The following ARHGEF10 variants were observed in gnomAD, a reference collection of about 807,000 sequenced individuals.
ARHGEF10 encodes Rho guanine nucleotide exchange factor 10.
Under a neutral mutation model 147.4 loss-of-function variants are expected in ARHGEF10, and 140 were observed. The observed-to-expected ratio is 0.95, with a 90% CI of 0.83 to 1.09. The LOEUF (loss-of-function observed/expected upper bound fraction) is 1.09. ARHGEF10 is among the 50% of genes least tolerant of loss of function. The probability of loss-of-function intolerance (pLI) is 0.00; values close to 1 mark genes in which losing one functional copy is unlikely to be tolerated. For synonymous variants in ARHGEF10, 902 were observed against 695.8 expected (o/e 1.30, Z -4.67); for missense variants, 2,222 against 1,752.7 (o/e 1.27, Z -4.78).
At position 1,937,181 on chromosome 8, in the gene ARHGEF10, T is replaced by C. The variant is rs889382262; in HGVS notation, c.3222+3239T>C. Among the ~76,000 whole-genome samples, 1 of 152,200 alleles carries C rather than the reference T, an allele frequency of 6.6e-6. No individual in the cohort carries two copies. The highest frequency in any genetic ancestry group is 1.5e-5 in the Non-Finnish European group (1 of 68,030). ...TTGGCAGTATTGTTCCTGTTACTTT[T>C]CATATCCATCTGACACTTCTTATTT... On this transcript the variant is annotated intron_variant, in intron 26 of 28. Transcript: ENST00000349830. This position sits in a 1 kb window ranked among gnomAD's most constrained non-coding sequence, Gnocchi z 4.9.
chr8:1,835,632 C>T (rs949646813), intron 1 of ARHGEF10, among the ~76,000 whole-genome samples: 2 of 152,216 alleles, frequency 1.3e-5, no homozygotes, highest in African/African-American at 4.8e-5. Context: ...TCCCACCCTG[C>T]TGCTGGATGG....
intron 15 of ARHGEF10, among the ~76,000 whole-genome samples, chr8:1,902,683 A>G (rs1248616315): frequency 6.6e-6 from 1 of 151,534 alleles, no homozygotes; most frequent in African/African-American, 2.4e-5. Context: ...CCCAGCGGCC[A>G]CAGTCGCAGG....
intron 1 of ARHGEF10, among the ~76,000 whole-genome samples, chr8:1,827,456 C>T (rs1226964480): frequency 6.6e-6 from 1 of 152,080 alleles, no homozygotes; most frequent in Non-Finnish European, 1.5e-5. Context: ...TTATAAGCAC[C>T]CACCACCGTG....
At chr8:1,882,001 C>T (rs1463627260) in intron 9 of ARHGEF10, among the ~76,000 whole-genome samples, 1 of 152,146 alleles carries the variant, frequency 6.6e-6, no homozygotes, top group Non-Finnish European at 1.5e-5. Flanking sequence ...CGTGAGTGTC[C>T]AGCACAGCTC....
chr8:1,872,567 C>T (rs935733071), intron 7 of ARHGEF10, among the ~76,000 whole-genome samples: 1 of 152,166 alleles, frequency 6.6e-6, no homozygotes, highest in African/African-American at 2.4e-5. Context: ...GTTCAAGGAT[C>T]CTTTGAGAAG....
At chr8:1,876,005 G>T (rs999165823) in intron 7 of ARHGEF10, 3 of 159,836 alleles carry the variant, frequency 1.9e-5, no homozygotes, top group Admixed American at 5.9e-5. Flanking sequence ...GGAGTTTGAA[G>T]AATGTCATTT....
chr8:1,849,758 C>A (rs529831967), intron 2 of ARHGEF10, among the ~76,000 whole-genome samples: 1 of 144,880 alleles, frequency 6.9e-6, no homozygotes, highest in Non-Finnish European at 1.5e-5. Context: ...GGGCGTGGGG[C>A]GGCCACGTGG....
chr8:1,943,946 C>A (rs1024915789), intron 26 of ARHGEF10: 1 of 152,338 alleles, frequency 6.6e-6, no homozygotes, highest in Non-Finnish European at 1.5e-5. Context: ...CTGGGGGGTT[C>A]CAGTTTGCTC....
intron 6 of ARHGEF10, among the ~76,000 whole-genome samples, 188 bp from the exon 7 acceptor site, chr8:1,869,006 A>G (rs1049559579): frequency 2.0e-5 from 3 of 152,124 alleles, no homozygotes; most frequent in Admixed American, 6.5e-5. Context: ...GCTGTTAGCT[A>G]CCTTACAGCC....
Position 1,952,672 on chromosome 8 carries a change from C to G in ARHGEF10, c.3398-33C>G, listed in dbSNP as rs192658895. 258 of 1,612,488 alleles carry G rather than the reference C, an allele frequency of 1.6e-4. 1 individual carries two copies. The East Asian group carries it at 4.1e-3, about 25-fold the overall frequency. Reference sequence around the variant, plus strand: ...GCCCCACCAACTCTGCTACACAAACCAGACCCGAAGCCACTCATGTCTTTC... The same window carrying G: ...GCCCCACCAACTCTGCTACACAAACGAGACCCGAAGCCACTCATGTCTTTC... On this transcript the variant is annotated intron_variant, in intron 27 of 28. Coordinates refer to ENST00000349830, the MANE Select transcript of ARHGEF10 (RefSeq NM_014629.4).
chr8:1,953,517 T>A (rs1489210020), intron 28 of ARHGEF10, among the ~76,000 whole-genome samples: 1 of 152,266 alleles, frequency 6.6e-6, no homozygotes, highest in Non-Finnish European at 1.5e-5. Flanking sequence ...TTGGAGGCCT[T>A]AAAACATGCT....
At chr8:1,861,712 C>T (rs930924922) in intron 4 of ARHGEF10, among the ~76,000 whole-genome samples, 12 of 152,128 alleles carry the variant, frequency 7.9e-5, no homozygotes, top group South Asian at 2.1e-4. Context: ...GCCTCCTGTG[C>T]GTTTTCCTGT....
intron 26 of ARHGEF10, among the ~76,000 whole-genome samples, chr8:1,944,639 T>C (rs1814411798): frequency 6.6e-6 from 1 of 152,212 alleles, no homozygotes; most frequent in Admixed American, 6.5e-5. Context: ...TTTTATGAGT[T>C]TCATCACTTT....
intron 22 of ARHGEF10, 91 bp downstream of exon 22, chr8:1,925,495 C>A: frequency 6.4e-7 from 1 of 1,552,296 alleles, no homozygotes; most frequent in Non-Finnish European, 8.8e-7. Flanking sequence ...GGGGCGTGGT[C>A]AGAACATGGT....
chr8:1,945,794 CAA>C, intron 27 of ARHGEF10, 139 bp downstream of exon 27: 1 of 1,313,104 alleles, frequency 7.6e-7, no homozygotes, highest in Non-Finnish European at 1.1e-6. Flanking sequence ...TGGGGTGGGA[CAA>C]GGCCCAGGGA....
In ARHGEF10 at chr8:1,948,417, T is replaced by G. The variant is rs1018713264; in HGVS notation, c.3397+2762T>G. On this transcript the variant is annotated intron_variant, in intron 27 of 28. Transcript: ENST00000349830. The surrounding 1 kb of genome is among the most constrained non-coding windows in gnomAD (Gnocchi z 4.9). ...GCAGGTTTCTCCGGCATTTCGGTAC[T>G]AAGTTGGAAATAGCTCCAGCTTCAC... Among the ~76,000 whole-genome samples the G allele has an allele frequency of 6.6e-6, 1 of 152,238 alleles. No homozygotes were observed. The highest frequency in any genetic ancestry group is 1.9e-4 in the East Asian group (1 of 5,200).
At chr8:1,926,568 G>A (rs1196247071) in intron 23 of ARHGEF10, 105 bp downstream of exon 23, 3 of 1,027,300 alleles carry the variant, frequency 2.9e-6, no homozygotes, top group South Asian at 1.3e-5. Flanking sequence ...AGAGTTGGCG[G>A]TGGCGTATCC....
chr8:1,946,093 G>T (rs1398892980), intron 27 of ARHGEF10, among the ~76,000 whole-genome samples: 1 of 152,192 alleles, frequency 6.6e-6, no homozygotes, highest in African/African-American at 2.4e-5. Flanking sequence ...TGAATGCCCT[G>T]TTGCTGGTGG....
intron 1 of ARHGEF10, among the ~76,000 whole-genome samples, chr8:1,831,164 CAGAG>C (rs1003424664): frequency 6.6e-6 from 1 of 152,096 alleles, no homozygotes; most frequent in East Asian, 1.9e-4. Context: ...GGCCATGTGA[CAGAG>C]AGCTGTAGCA....
Sources: allele counts gnomAD v4.1 joint callset (sites outside exome capture counted in the v4.1 genomes callset), GRCh38; gene constraint gnomAD v4.1.1; non-coding constraint Gnocchi (gnomAD v3.1); transcripts MANE v1.5; gene names NCBI Gene and HGNC (gene_info 2026-07-23, HGNC 2026-07-21).